The following BRD4 variants were observed in gnomAD, a reference collection of about 807,000 sequenced individuals.
BRD4 encodes bromodomain-containing protein 4.
BRD4 carries 16 observed loss-of-function variants against 142.1 expected under a neutral mutation model. The observed-to-expected ratio is 0.11, with a 90% CI of 0.08 to 0.17. The LOEUF is 0.17. Ranked by LOEUF, BRD4 falls within the 10% of genes least tolerant of loss-of-function variation. The pLI, the probability that BRD4 is intolerant of heterozygous loss-of-function variation, is 1.00. For synonymous variants in BRD4, 833 were observed against 707.5 expected, an observed-to-expected ratio of 1.18 and a Z score of -2.82; for missense variants, 1,424 against 1,810.9, an observed-to-expected ratio of 0.79 and a Z score of 3.88.
intron 1 of BRD4, among the ~76,000 whole-genome samples, chr19:15,276,561 TTC>T (rs2047648940): frequency 6.6e-6 from 1 of 152,062 alleles, no homozygotes; most frequent in Non-Finnish European, 1.5e-5. Flanking sequence ...ATCTACTGAG[TTC>T]CATGGTCAGC....
intron 1 of BRD4, among the ~76,000 whole-genome samples, chr19:15,275,247 G>A (rs990946111): frequency 6.6e-6 from 1 of 152,192 alleles, no homozygotes; most frequent in African/African-American, 2.4e-5. Context: ...GGTGTTTTAA[G>A]CCATTGCAAA....
At chr19:15,320,659 C>G (rs4808294) in intron 1 of BRD4, among the ~76,000 whole-genome samples, 1 of 152,334 alleles carries the variant, frequency 6.6e-6, no homozygotes, top group South Asian at 2.1e-4. Context: ...TCCCGCCAAA[C>G]TGGATCATTC....
intron 1 of BRD4, among the ~76,000 whole-genome samples, chr19:15,274,235 G>T (rs935635808): frequency 7.2e-5 from 11 of 152,186 alleles, no homozygotes; most frequent in African/African-American, 2.7e-4. Flanking sequence ...ACAAGTATTG[G>T]TAGAAGGACA....
intron 9 of BRD4, 115 bp downstream of exon 9, chr19:15,255,949 G>A: frequency 1.0e-5 from 14 of 1,389,418 alleles, no homozygotes; most frequent in Non-Finnish European, 1.4e-5. Context: ...AGCCACGGCT[G>A]CAGAGGGGCA....
At position 15,239,270 on chromosome 19, in the gene BRD4, G is replaced by C. The variant is rs200491118; in HGVS notation, c.3577-6C>G. ...ATGTTCTTGATTTTCAGGTCCTGCA[G>C]AACAGAGAGGTTGGGGTGGGTGAGG... is the stretch of plus-strand genomic sequence containing the variant. On this transcript the variant is annotated splice_polypyrimidine_tract_variant and splice_region_variant and intron_variant, in intron 17 of 19. Coordinates refer to ENST00000679869, the MANE Select transcript of BRD4 (RefSeq NM_001379291.1). This position sits in a 1 kb window ranked among gnomAD's most constrained non-coding sequence, Gnocchi z 7.4. 2.5e-6 allele frequency: 4 copies of C among 1,613,120 alleles called. No homozygotes were observed. The highest frequency in any genetic ancestry group is 3.4e-6 in the Non-Finnish European group (4 of 1,179,582).
In BRD4 at chr19:15,293,873, A is replaced by G. The variant is rs1396673347; in HGVS notation, c.-34-20740T>C. Among the ~76,000 whole-genome samples the G allele has an allele frequency of 3.3e-5, 5 of 152,212 alleles. No individual in the cohort carries two copies. In the South Asian group the frequency reaches 8.3e-4, roughly 25 times the overall value. ...GTGTATGTATTTGACCATTTTTGGTATCTCATGTAAGTTGAATCACAATAT... is the reference window on the plus strand; with the variant it reads ...GTGTATGTATTTGACCATTTTTGGTGTCTCATGTAAGTTGAATCACAATAT... On this transcript the variant is annotated intron_variant, in intron 1 of 19. Coordinates refer to ENST00000679869, the MANE Select transcript of BRD4 (RefSeq NM_001379291.1).
intron 10 of BRD4, among the ~76,000 whole-genome samples, chr19:15,254,611 G>A (rs546865295): frequency 4.5e-4 from 69 of 152,274 alleles, no homozygotes; most frequent in African/African-American, 1.6e-3. Flanking sequence ...TCTAGCAGGG[G>A]AAGAAGAAGA....
chr19:15,243,048 G>A lies in BRD4; in HGVS notation c.3021C>T (p.His1007=). 3 of 1,536,708 alleles carry A rather than the reference G, an allele frequency of 2.0e-6. No individual in the cohort carries two copies. The highest frequency in any genetic ancestry group is 1.2e-5 in the South Asian group (1 of 82,974). Residue 1007 remains histidine (H), a synonymous_variant, in exon 14 of 20, where the codon CAC becomes CAT. Transcript: ENST00000679869. The part of the protein sequence containing the change: ...VHLQPMQFST[H]IQQPPPPQGQ... Reference sequence around the variant, plus strand: ...CCTGGGGTGGCGGGGGCTGTTGGATGTGGGTGGAAAACTGCATGGGCTGCA... The same window carrying A: ...CCTGGGGTGGCGGGGGCTGTTGGATATGGGTGGAAAACTGCATGGGCTGCA...
intron 13 of BRD4, among the ~76,000 whole-genome samples, chr19:15,243,766 G>A (rs965169408): frequency 6.6e-6 from 1 of 152,106 alleles, no homozygotes; most frequent in Non-Finnish European, 1.5e-5. Context: ...TGCAGAACTC[G>A]GTCTCTCACT....
At chr19:15,247,821 G>T (rs994317970) in intron 11 of BRD4, 1 of 232,088 alleles carries the variant, frequency 4.3e-6, no homozygotes, top group Non-Finnish European at 8.5e-6. Flanking sequence ...CTGGAAGCTG[G>T]ATGCCCAGAA....
chr19:15,318,389 G>A (rs1451196481), intron 1 of BRD4, among the ~76,000 whole-genome samples: 3 of 152,120 alleles, frequency 2.0e-5, no homozygotes, highest in Non-Finnish European at 4.4e-5. Context: ...ACAGAAGTAT[G>A]AATTATTCAA....
chr19:15,331,858 C>A (rs991859293), intron 1 of BRD4: 2 of 144,578 alleles, frequency 1.4e-5, no homozygotes, highest in South Asian at 2.1e-4. Context: ...CGCCGCGGAC[C>A]CCGCGGCGGC....
intron 1 of BRD4, among the ~76,000 whole-genome samples, chr19:15,311,696 A>G (rs1599517475): frequency 2.0e-5 from 3 of 151,856 alleles, no homozygotes; most frequent in Admixed American, 2.0e-4. Flanking sequence ...CAGCTACTTG[A>G]GAGGCTGAGG....
At chr19:15,252,600 G>T (rs1013349154) in intron 11 of BRD4, among the ~76,000 whole-genome samples, 6 of 152,258 alleles carry the variant, frequency 3.9e-5, no homozygotes, top group African/African-American at 1.4e-4. Flanking sequence ...TTCCTGGGCA[G>T]CCATGGGGTG....
At chr19:15,255,970 C>G (rs1368121844) in intron 9 of BRD4, 94 bp downstream of exon 9, 15 of 1,520,196 alleles carry the variant, frequency 9.9e-6, no homozygotes, top group Non-Finnish European at 1.3e-5. Context: ...GCCTCCGCAC[C>G]CAATGAGGAC....
intron 8 of BRD4, 32 bp from the exon 9 acceptor site, chr19:15,256,295 G>C: frequency 1.3e-6 from 2 of 1,592,562 alleles, no homozygotes; most frequent in Non-Finnish European, 1.7e-6. Context: ...CACACACTCA[G>C]GGCTGAAACC....
intron 7 of BRD4, among the ~76,000 whole-genome samples, chr19:15,261,309 C>A (rs1020127181): frequency 1.1e-4 from 16 of 152,030 alleles, no homozygotes; most frequent in Non-Finnish European, 2.2e-4. Context: ...ATCGGCAAAA[C>A]CCCCTCTCTA....
chr19:15,298,714 A>G (rs1228246264), intron 1 of BRD4, among the ~76,000 whole-genome samples: 1 of 151,778 alleles, frequency 6.6e-6, no homozygotes, highest in Non-Finnish European at 1.5e-5. Context: ...GAGATGAAAG[A>G]AATTCTATAC....
intron 1 of BRD4, among the ~76,000 whole-genome samples, chr19:15,301,089 C>T (rs1428107723): frequency 6.6e-6 from 1 of 152,184 alleles, no homozygotes; most frequent in African/African-American, 2.4e-5. Context: ...TGAAACACTA[C>T]TCAGCAATGA....
Sources: gnomAD v4.1 joint callset for allele counts (sites outside exome capture counted in the v4.1 genomes callset) on GRCh38, gnomAD v4.1.1 for gene constraint, Gnocchi (gnomAD v3.1) non-coding constraint, MANE v1.5 for transcripts, NCBI Gene and HGNC (gene_info 2026-07-23, HGNC 2026-07-21) for gene names.